The following CCNC variants were observed in gnomAD, a reference collection of about 807,000 sequenced individuals.
CCNC encodes cyclin-C.
In CCNC, 19 loss-of-function variants were observed where a neutral mutation model predicts 50.0. That is an observed-to-expected ratio of 0.38 (90% confidence interval 0.27 to 0.56). The LOEUF (loss-of-function observed/expected upper bound fraction) is 0.56. CCNC is among the 20% of genes least tolerant of loss of function. CCNC has a pLI of 0.72. For missense variants in CCNC, 200 were observed against 327.1 expected (o/e 0.61, Z 3.00); for synonymous variants, 93 against 103.7 (o/e 0.90, Z 0.63).
At chr6:99,548,145 C>T (rs544250031) in intron 9 of CCNC, among the ~76,000 whole-genome samples, 1 of 152,206 alleles carries the variant, frequency 6.6e-6, no homozygotes, top group Non-Finnish European at 1.5e-5. Flanking sequence ...TGCCAAGTGG[C>T]AAGATCTTGG....
At chr6:99,557,362 G>A (rs1338461488) in intron 5 of CCNC, 1 of 152,052 alleles carries the variant, frequency 6.6e-6, no homozygotes, top group Admixed American at 6.6e-5. Flanking sequence ...TGTTGTCATT[G>A]AAGATGATGA....
chr6:99,566,226 A>AT (rs1156417929), intron 1 of CCNC, among the ~76,000 whole-genome samples: 1 of 150,960 alleles, frequency 6.6e-6, no homozygotes, highest in African/African-American at 2.4e-5. Context: ...AGCTTTTATA[A>AT]TTTTTTTCCT....
At chr6:99,546,904 G>A (rs1008244085) in intron 9 of CCNC, among the ~76,000 whole-genome samples, 14 of 152,194 alleles carry the variant, frequency 9.2e-5, no homozygotes, top group Admixed American at 6.5e-4. Flanking sequence ...CCACATTTCA[G>A]TTAAAAGCAG....
rs181415038 is a variant in CCNC at position 99,566,138 on chromosome 6, G to A, written c.32+2358C>T. ...GTTTACTTTTCTCATTCCTAATTTT[G>A]TATTTTTGTATCATTCCTTTTTCCC... On this transcript the variant is annotated intron_variant, in intron 1 of 11. Transcript: ENST00000520429. Among the ~76,000 whole-genome samples the A allele has an allele frequency of 2.5e-3, 378 of 151,954 alleles. 6 individuals carry two copies. The highest frequency in any genetic ancestry group is 6.3e-3 in the Admixed American group (96 of 15,258).
chr6:99,564,520 G>C (rs977617669), intron 1 of CCNC, among the ~76,000 whole-genome samples: 38 of 150,186 alleles, frequency 2.5e-4, no homozygotes, highest in African/African-American at 9.0e-4. Context: ...TCTTTTCCCT[G>C]TAGTTTACTT....
At chr6:99,560,694 T>C (rs1271514814) in intron 4 of CCNC, among the ~76,000 whole-genome samples, 2 of 152,252 alleles carry the variant, frequency 1.3e-5, no homozygotes, top group Non-Finnish European at 2.9e-5. Context: ...GTAAAACAGT[T>C]GAACAGAAAT....
chr6:99,561,246 A>C (rs1258701398), intron 4 of CCNC, 121 bp downstream of exon 4: 2 of 729,912 alleles, frequency 2.7e-6, no homozygotes, highest in African/African-American at 1.8e-5. Context: ...GATTTTGTAC[A>C]ATTTTAGTAT....
At chr6:99,566,952 C>T (rs759230666) in intron 1 of CCNC, 48 of 454,680 alleles carry the variant, frequency 1.1e-4, no homozygotes, top group South Asian at 7.5e-4. Context: ...ATTGTCTTGT[C>T]TTCCACACTC....
At position 99,558,357 on chromosome 6, in the gene CCNC, T is replaced by A; in HGVS notation, c.346+140A>T. On this transcript the variant is annotated intron_variant, in intron 5 of 11. Transcript: ENST00000520429. ...AGCTTGATTTTTTTGCCAGATACAC[T>A]AGATATAAAGTTATCCTCAGGAAAT... The A allele has an allele frequency of 5.4e-6, 7 of 1,299,648 alleles. No individual in the cohort carries two copies. The South Asian group carries it at 1.3e-4, about 24-fold the overall frequency. 80.5% of individuals were successfully genotyped at this position (1,299,648 alleles called of 1,614,324 possible). A position where few individuals can be genotyped will look rare whatever the true frequency, so the allele number is the denominator to read the frequency against.
chr6:99,548,524 A>G (rs1802160489), intron 9 of CCNC, among the ~76,000 whole-genome samples: 1 of 152,178 alleles, frequency 6.6e-6, no homozygotes, highest in African/African-American at 2.4e-5. Flanking sequence ...ATAAAAATCA[A>G]TAGAAGGGGC....
At chr6:99,563,189 T>C (rs1412292905) in intron 1 of CCNC, among the ~76,000 whole-genome samples, 1 of 152,238 alleles carries the variant, frequency 6.6e-6, no homozygotes, top group Non-Finnish European at 1.5e-5. Flanking sequence ...CTAGCTTGTA[T>C]TTCATTGATT....
At chr6:99,558,149 T>C (rs1802618865) in intron 5 of CCNC, 2 of 297,398 alleles carry the variant, frequency 6.7e-6, no homozygotes, top group African/African-American at 2.1e-5. Context: ...TATTAATATC[T>C]ACCCATAAGA....
intron 11 of CCNC, chr6:99,544,158 A>C (rs1801982148): frequency 2.0e-6 from 3 of 1,499,906 alleles, no homozygotes; most frequent in Admixed American, 2.3e-5. Flanking sequence ...AATACTTAAA[A>C]ATAACTAAAA....
intron 5 of CCNC, among the ~76,000 whole-genome samples, chr6:99,555,856 T>C (rs935327270): frequency 6.6e-6 from 1 of 152,200 alleles, no homozygotes; most frequent in African/African-American, 2.4e-5. Flanking sequence ...AATTTAATTC[T>C]TTTCAGAACT....
intron 1 of CCNC, among the ~76,000 whole-genome samples, chr6:99,563,322 G>A (rs1342909075): frequency 6.6e-6 from 1 of 152,158 alleles, no homozygotes; most frequent in African/African-American, 2.4e-5. Flanking sequence ...AATTGATGGT[G>A]GCTTAGATTT....
chr6:99,562,663 CA>C (rs558111005), intron 2 of CCNC, 178 bp downstream of exon 2: 57 of 515,114 alleles, frequency 1.1e-4, no homozygotes, highest in African/African-American at 1.0e-3. Context: ...AAAATTCACA[CA>C]AAAAAACTTT....
chr6:99,548,125 T>C (rs1802144229), intron 9 of CCNC, among the ~76,000 whole-genome samples: 1 of 152,048 alleles, frequency 6.6e-6, no homozygotes, highest in African/African-American at 2.4e-5. Context: ...GGAAGATGGA[T>C]ATAAAGAACT....
intron 1 of CCNC, among the ~76,000 whole-genome samples, chr6:99,564,286 G>A (rs879865640): frequency 6.6e-6 from 1 of 152,040 alleles, no homozygotes; most frequent in East Asian, 1.9e-4. Context: ...TTAGCTGGAC[G>A]TGGTGGCGTG....
intron 5 of CCNC, among the ~76,000 whole-genome samples, chr6:99,555,029 AG>A (rs1205239295): frequency 6.6e-6 from 1 of 152,242 alleles, no homozygotes; most frequent in Non-Finnish European, 1.5e-5. Context: ...TCCAACAATG[AG>A]AAACCCGGCT....
Sources: allele counts gnomAD v4.1 joint callset (sites outside exome capture counted in the v4.1 genomes callset), GRCh38; gene constraint gnomAD v4.1.1; transcripts MANE v1.5; gene names NCBI Gene and HGNC (gene_info 2026-07-23, HGNC 2026-07-21).